PAX2: variants seen among roughly 807,000 people sequenced by gnomAD.
PAX2 encodes paired box protein Pax-2.
PAX2 carries 9 observed loss-of-function variants against 41.7 expected under a neutral mutation model. The observed-to-expected ratio is 0.22, with a 90% confidence interval of 0.13 to 0.38. PAX2 has a LOEUF of 0.38. Ranked by LOEUF, PAX2 falls within the 10% of genes least tolerant of loss-of-function variation. The probability of loss-of-function intolerance (pLI) is 1.00; values close to 1 mark genes in which losing one functional copy is unlikely to be tolerated. For synonymous variants in PAX2, 221 were observed against 212.7 expected, an observed-to-expected ratio of 1.04 and a Z score of -0.34; for missense variants, 418 against 531.6, an observed-to-expected ratio of 0.79 and a Z score of 2.10.
chr10:100,754,415 C>G (rs1845558289), intron 3 of PAX2, among the ~76,000 whole-genome samples: 1 of 152,370 alleles, frequency 6.6e-6, no homozygotes, highest in South Asian at 2.1e-4. Context: ...AGGGCACTCT[C>G]TGCCCCTAGA....
chr10:100,757,572 CCA>C (rs1351434875), intron 3 of PAX2, among the ~76,000 whole-genome samples: 2 of 152,206 alleles, frequency 1.3e-5, no homozygotes, highest in African/African-American at 4.8e-5. Context: ...GCATAAGCAG[CCA>C]AGAAGGCGCT....
chr10:100,807,248 T>C (rs1211394816), intron 6 of PAX2, among the ~76,000 whole-genome samples: 1 of 152,148 alleles, frequency 6.6e-6, no homozygotes, highest in Non-Finnish European at 1.5e-5. Context: ...AACTTTTCTA[T>C]GTGCTGGTGT....
At chr10:100,755,596 C>A (rs967556237) in intron 3 of PAX2, among the ~76,000 whole-genome samples, 1 of 152,152 alleles carries the variant, frequency 6.6e-6, no homozygotes. Context: ...CATTTATTAC[C>A]GTTCATGGCC....
intron 1 of PAX2, among the ~76,000 whole-genome samples, chr10:100,738,446 C>G (rs1054580904): frequency 6.6e-6 from 1 of 152,204 alleles, no homozygotes; most frequent in Admixed American, 6.5e-5. Flanking sequence ...GCCTGGAACA[C>G]AGCTGTCTGC....
chr10:100,791,835 G>C lies in PAX2; in HGVS notation c.616+10470G>C, dbSNP rs1847131378. Among the ~76,000 whole-genome samples, 1 of 152,226 alleles carries C rather than the reference G, an allele frequency of 6.6e-6. No homozygotes were observed. The highest frequency in any genetic ancestry group is 2.1e-4 in the South Asian group (1 of 4,836). Reference sequence around the variant, plus strand: ...AGTGCCCAGCATGAGCCCTTGGGCAGTGTGGGCACCTGGGTGGACTGGTGG... The same window carrying C: ...AGTGCCCAGCATGAGCCCTTGGGCACTGTGGGCACCTGGGTGGACTGGTGG... On this transcript the variant is annotated intron_variant, in intron 5 of 9. Coordinates refer to ENST00000355243, the MANE Select transcript of PAX2 (RefSeq NM_000278.5). The surrounding 1 kb of genome is among the most constrained non-coding windows in gnomAD (Gnocchi z 4.5).
In PAX2 at chr10:100,811,089, C is replaced by T. The variant is rs750194274; in HGVS notation, c.919+1853C>T. The stretch of plus-strand genomic sequence containing the variant: ...CACCAGTGGTAATGACGGGGAAACT[C>T]GCTCAGAAACTGGAAATTACCAAAA... On this transcript the variant is annotated intron_variant, in intron 7 of 9. Transcript: ENST00000355243. Among the ~76,000 whole-genome samples, 27 of 151,746 alleles carry T rather than the reference C, an allele frequency of 1.8e-4. 1 individual carries two copies. Among genetic ancestry groups the T allele is most frequent in the South Asian group, 1.2e-3 (6 of 4,808 alleles).
chr10:100,770,419 G>A (rs569560163), intron 3 of PAX2, among the ~76,000 whole-genome samples: 2 of 152,234 alleles, frequency 1.3e-5, no homozygotes, highest in Non-Finnish European at 2.9e-5. Flanking sequence ...AGAGGCGCTA[G>A]TCTGTCACGC....
chr10:100,786,625 G>C (rs1053663614), intron 5 of PAX2, among the ~76,000 whole-genome samples: 2 of 152,144 alleles, frequency 1.3e-5, no homozygotes, highest in African/African-American at 4.8e-5. Flanking sequence ...GAGAGTGCCG[G>C]GTGTGACTGT....
At chr10:100,785,992 C>T (rs1254118603) in intron 5 of PAX2, among the ~76,000 whole-genome samples, 2 of 152,096 alleles carry the variant, frequency 1.3e-5, no homozygotes, top group Non-Finnish European at 2.9e-5. Flanking sequence ...TCCATGAGGT[C>T]GTGAATTTAG....
intron 3 of PAX2, among the ~76,000 whole-genome samples, chr10:100,773,930 C>A (rs966438887): frequency 6.6e-6 from 1 of 152,182 alleles, no homozygotes; most frequent in Non-Finnish European, 1.5e-5. Context: ...CTCCTGCTTC[C>A]CCCAGCTCCC....
chr10:100,817,777 C>A (rs1453895801), intron 7 of PAX2, among the ~76,000 whole-genome samples: 1 of 152,130 alleles, frequency 6.6e-6, no homozygotes, highest in Non-Finnish European at 1.5e-5. Flanking sequence ...CCCTAGAGGA[C>A]AACTCAAATC....
At chr10:100,749,700 C>T (rs1198073031) in intron 1 of PAX2, 46 bp from the exon 2 acceptor site, 10 of 1,589,490 alleles carry the variant, frequency 6.3e-6, no homozygotes, top group Admixed American at 1.7e-5. Context: ...AATGGCCGGT[C>T]CCTGCTGTGT....
At chr10:100,744,216 C>G (rs1049860897), upstream of PAX2, among the ~76,000 whole-genome samples, 25 of 152,158 alleles carry the variant, frequency 1.6e-4, no homozygotes, top group Non-Finnish European at 3.7e-4. Context: ...GCGGGGCGCC[C>G]GGAGCTGCAG....
chr10:100,753,707 TCTC>T (rs557323214), intron 3 of PAX2, among the ~76,000 whole-genome samples: 68 of 152,316 alleles, frequency 4.5e-4, no homozygotes, highest in African/African-American at 1.6e-3. Context: ...TTTTTCATCT[TCTC>T]CTTCCCAAAA....
intron 1 of PAX2, chr10:100,747,525 A>G: frequency 2.0e-6 from 1 of 491,128 alleles, no homozygotes; most frequent in South Asian, 9.1e-5. Context: ...ACTCCTCCCT[A>G]TCTGCAGATT....
Position 100,749,854 on chromosome 10 carries a change from C to T in PAX2, c.152C>T (p.Pro51Leu). The T allele has an allele frequency of 6.2e-7, 1 of 1,612,374 alleles. No homozygotes were observed. The highest frequency in any genetic ancestry group is 8.5e-7 in the Non-Finnish European group (1 of 1,179,538). The change falls in exon 2 of 10, where the codon CCC becomes CTC. Residue 51 changes from proline (P) to leucine (L), a missense_variant. Physicochemically the swap from Pro to Leu is moderately conservative, Grantham distance 98 (BLOSUM62 -3). Coordinates refer to ENST00000355243, the MANE Select transcript of PAX2 (RefSeq NM_000278.5). The stretch of plus-strand genomic sequence containing the variant: ...GAGCTGGCCCACCAGGGTGTGCGGC[C>T]CTGTGACATCTCCCGGCAGCTGCGG... ...IVELAHQGVR[P>L]CDISRQLRVS...
intron 7 of PAX2, among the ~76,000 whole-genome samples, chr10:100,811,980 A>G (rs1848004760): frequency 6.6e-6 from 1 of 152,212 alleles, no homozygotes; most frequent in African/African-American, 2.4e-5. Flanking sequence ...GCTGATTTCA[A>G]ACTTCACCAG....
intron 3 of PAX2, among the ~76,000 whole-genome samples, chr10:100,761,033 A>C (rs58783205): frequency 0.087 from 13,183 of 152,110 alleles, 1,706 homozygotes; most frequent in African/African-American, 0.28. Flanking sequence ...GGAAGGGAAA[A>C]CCTAGCAGAC....
chr10:100,791,670 C>T lies in PAX2; in HGVS notation c.616+10305C>T, dbSNP rs1331264959. Among the ~76,000 whole-genome samples, 1 of 152,186 alleles carries T rather than the reference C, an allele frequency of 6.6e-6. No homozygotes were observed. The highest frequency in any genetic ancestry group is 1.5e-5 in the Non-Finnish European group (1 of 68,024). On this transcript the variant is annotated intron_variant, in intron 5 of 9. Coordinates refer to ENST00000355243, the MANE Select transcript of PAX2 (RefSeq NM_000278.5). This position sits in a 1 kb window ranked among gnomAD's most constrained non-coding sequence, Gnocchi z 4.5. ...ACACTCACACACCCTTGCTGGCTCACACAGATCTCCCTCGGCCCAGGCAGC... is the reference window on the plus strand; with the variant it reads ...ACACTCACACACCCTTGCTGGCTCATACAGATCTCCCTCGGCCCAGGCAGC...
Sources: allele counts gnomAD v4.1 joint callset (sites outside exome capture counted in the v4.1 genomes callset), GRCh38; gene constraint gnomAD v4.1.1; non-coding constraint Gnocchi (gnomAD v3.1); transcripts MANE v1.5; gene names NCBI Gene and HGNC (gene_info 2026-07-23, HGNC 2026-07-21).